Variants in MYT1L observed in about 807,000 individuals in gnomAD.
The protein encoded by MYT1L is myelin transcription factor 1 like.
Under a neutral mutation model 126.7 loss-of-function variants are expected in MYT1L, and 12 were observed. The observed-to-expected ratio is 0.09, with a 90% CI of 0.06 to 0.15. MYT1L has a LOEUF of 0.15. MYT1L is among the 10% of genes least tolerant of loss of function. The pLI, the probability that MYT1L is intolerant of heterozygous loss-of-function variation, is 1.00. For missense variants in MYT1L, 979 were observed against 1,585.2 expected (o/e 0.62, Z 6.49); for synonymous variants, 541 against 604.2 (o/e 0.90, Z 1.53).
At chr2:2,045,790 A>G (rs1287164689) in intron 4 of MYT1L, among the ~76,000 whole-genome samples, 1 of 152,158 alleles carries the variant, frequency 6.6e-6, no homozygotes, top group Non-Finnish European at 1.5e-5. Flanking sequence ...CTCAAATTCA[A>G]TAAAGCTATT....
intron 19 of MYT1L, among the ~76,000 whole-genome samples, chr2:1,844,111 C>T (rs918678075): frequency 6.6e-6 from 1 of 152,168 alleles, no homozygotes; most frequent in Non-Finnish European, 1.5e-5. Flanking sequence ...CCCCCACTCA[C>T]TTGGTGGGCA....
intron 2 of MYT1L, among the ~76,000 whole-genome samples, chr2:2,233,241 G>A (rs989929497): frequency 1.2e-4 from 18 of 152,202 alleles, no homozygotes; most frequent in African/African-American, 4.3e-4. Context: ...ACAGGGCCAG[G>A]AGGGTCCAAA....
At chr2:1,937,749 G>A (rs113138146) in intron 9 of MYT1L, among the ~76,000 whole-genome samples, 40 of 147,454 alleles carry the variant, frequency 2.7e-4, no homozygotes, top group Admixed American at 8.7e-4. Flanking sequence ...CAGATGGCAA[G>A]TCGAGAAGGC....
intron 8 of MYT1L, among the ~76,000 whole-genome samples, chr2:1,972,808 G>T (rs1051701488): frequency 3.3e-5 from 5 of 152,186 alleles, no homozygotes; most frequent in Non-Finnish European, 7.3e-5. Context: ...CAAGCCAGAG[G>T]GACCCCAGTC....
intron 2 of MYT1L, among the ~76,000 whole-genome samples, chr2:2,195,473 G>A (rs1414490393): frequency 6.6e-6 from 1 of 152,174 alleles, no homozygotes; most frequent in Non-Finnish European, 1.5e-5. Flanking sequence ...TTTTCTGTAA[G>A]AAGATAATAT....
rs190059356 is a variant in MYT1L at position 1,924,384 on chromosome 2, C to T, written c.506-1121G>A. On this transcript the variant is annotated intron_variant, in intron 9 of 24. Transcript: ENST00000647738. ...TAGATTAGATTTGGTTAACTGCATG[C>T]CATTTTCACATCTGTTCTTTGTTTT... is the stretch of plus-strand genomic sequence containing the variant. 7.9e-5 allele frequency among the ~76,000 whole-genome samples: 12 copies of T among 152,132 alleles called. No homozygotes were observed. In the South Asian group the frequency reaches 1.5e-3, roughly 18 times the overall value.
At chr2:2,044,314 C>T (rs1045866514) in intron 4 of MYT1L, among the ~76,000 whole-genome samples, 36 of 152,218 alleles carry the variant, frequency 2.4e-4, no homozygotes, top group South Asian at 4.1e-4. Context: ...CTCTCAGTCA[C>T]AGCTAACTAT....
intron 2 of MYT1L, among the ~76,000 whole-genome samples, chr2:2,249,044 G>A (rs1456913191): frequency 6.6e-6 from 1 of 151,944 alleles, no homozygotes; most frequent in Non-Finnish European, 1.5e-5. Flanking sequence ...AAGAAATAAA[G>A]GGCATTCAAA....
intron 2 of MYT1L, among the ~76,000 whole-genome samples, chr2:2,198,224 G>A (rs550728692): frequency 1.3e-5 from 2 of 152,108 alleles, no homozygotes; most frequent in Admixed American, 1.3e-4. Context: ...TGATTTCATA[G>A]AGAGCAAAGA....
At chr2:2,017,892 T>C (rs1355042462) in intron 4 of MYT1L, among the ~76,000 whole-genome samples, 1 of 152,212 alleles carries the variant, frequency 6.6e-6, no homozygotes, top group African/African-American at 2.4e-5. Flanking sequence ...AAGGATTTAA[T>C]TTGTTGTTTT....
intron 4 of MYT1L, among the ~76,000 whole-genome samples, chr2:2,025,494 TAC>T (rs2065448338): frequency 6.6e-6 from 1 of 152,244 alleles, no homozygotes; most frequent in African/African-American, 2.4e-5. Context: ...GTAAGAAACA[TAC>T]AGAGTGATTT....
chr2:1,984,987 T>C (rs2060901420), intron 5 of MYT1L, among the ~76,000 whole-genome samples: 1 of 152,112 alleles, frequency 6.6e-6, no homozygotes, highest in South Asian at 2.1e-4. Context: ...CCCGAGTCTC[T>C]AGCCACAGGG....
intron 4 of MYT1L, among the ~76,000 whole-genome samples, chr2:2,003,937 G>A (rs1333095690): frequency 6.6e-6 from 1 of 152,078 alleles, no homozygotes; most frequent in Non-Finnish European, 1.5e-5. Flanking sequence ...CTTCTTTCCT[G>A]CATGAGTTCT....
intron 17 of MYT1L, chr2:1,886,947 C>T (rs1046579851): frequency 5.0e-6 from 2 of 402,540 alleles, no homozygotes; most frequent in Non-Finnish European, 8.7e-6. Context: ...ACATATAGCA[C>T]TTAAAGGGTT....
intron 2 of MYT1L, among the ~76,000 whole-genome samples, chr2:2,238,281 T>C (rs1413428899): frequency 6.6e-6 from 1 of 152,146 alleles, no homozygotes; most frequent in African/African-American, 2.4e-5. Context: ...CTGCGCAAGG[T>C]ACCCTGCTGT....
At chr2:2,308,470 T>C (rs1169055751) in intron 1 of MYT1L, among the ~76,000 whole-genome samples, 3 of 151,554 alleles carry the variant, frequency 2.0e-5, no homozygotes, top group South Asian at 2.1e-4. Flanking sequence ...TTAGTTGATA[T>C]ACTCTATCTA....
At position 1,887,348 on chromosome 2, in the gene MYT1L, G is replaced by T; in HGVS notation, c.2642+140C>A. ...TGCACGGTTAGCTGCTCACTCTACT[G>T]ACCCAGCAGTCGGAAACATTTATAT... On this transcript the variant is annotated intron_variant, in intron 17 of 24. Coordinates refer to ENST00000647738, the MANE Select transcript of MYT1L (RefSeq NM_001303052.2). This position sits in a 1 kb window ranked among gnomAD's most constrained non-coding sequence, Gnocchi z 4.8. 9.1e-7 allele frequency: 1 copy of T among 1,102,498 alleles called. No homozygotes were observed. Among genetic ancestry groups the T allele is most frequent in the Non-Finnish European group, 1.3e-6 (1 of 755,070 alleles). 68.3% of individuals were successfully genotyped at this position (1,102,498 alleles called of 1,614,324 possible). A position where few individuals can be genotyped will look rare whatever the true frequency, so the allele number is the denominator to read the frequency against.
intron 4 of MYT1L, among the ~76,000 whole-genome samples, chr2:1,999,599 T>C (rs1434051203): frequency 6.6e-6 from 1 of 152,202 alleles, no homozygotes; most frequent in Non-Finnish European, 1.5e-5. Flanking sequence ...TCTTTAAATT[T>C]ACCACCCCAA....
chr2:1,803,064 C>G (rs2035123548), intron 22 of MYT1L, among the ~76,000 whole-genome samples: 1 of 152,132 alleles, frequency 6.6e-6, no homozygotes, highest in African/African-American at 2.4e-5. Flanking sequence ...GTGGAGGCTC[C>G]TCTCTACCAA....
Sources: allele counts gnomAD v4.1 joint callset (sites outside exome capture counted in the v4.1 genomes callset), GRCh38; gene constraint gnomAD v4.1.1; non-coding constraint Gnocchi (gnomAD v3.1); transcripts MANE v1.5; gene names NCBI Gene and HGNC (gene_info 2026-07-23, HGNC 2026-07-21).